The following SNTG1 variants were observed in gnomAD, a reference collection of about 807,000 sequenced individuals.
SNTG1 encodes syntrophin gamma 1, also known as gamma-1-syntrophin.
In SNTG1, 39 loss-of-function variants were observed where a neutral mutation model predicts 74.7. The observed-to-expected ratio is 0.52, with a 90% CI of 0.40 to 0.68. The LOEUF is 0.68. Among genes scored for constraint, SNTG1 ranks in the 30% least tolerant of loss-of-function variants. The pLI, the probability that SNTG1 is intolerant of heterozygous loss-of-function variation, is 0.00. For missense variants in SNTG1, 685 were observed against 609.5 expected (o/e 1.12, Z -1.30); for synonymous variants, 254 against 217.1 (o/e 1.17, Z -1.49).
At chr8:50,669,649 C>A (rs1187336360) in intron 15 of SNTG1, among the ~76,000 whole-genome samples, 3 of 152,138 alleles carry the variant, frequency 2.0e-5, no homozygotes, top group Admixed American at 1.3e-4. Flanking sequence ...TGAAACTATT[C>A]CAATCAATAG....
rs542869752 is a variant in SNTG1 at position 50,593,806 on chromosome 8, C to A, written c.849+2889C>A. 6.1e-4 allele frequency among the ~76,000 whole-genome samples: 93 copies of A among 151,936 alleles called. 2 individuals carry two copies. The South Asian group carries it at 0.019, about 31-fold the overall frequency. On this transcript the variant is annotated intron_variant, in intron 13 of 18. Transcript: ENST00000642720. ...AATCTTGGCTCACTGCAACCTCCGC[C>A]TCCCTGGTTCGAGCGATTCTCCTGC...
intron 1 of SNTG1, among the ~76,000 whole-genome samples, chr8:49,974,653 A>C (rs755217029): frequency 2.0e-5 from 3 of 152,170 alleles, no homozygotes; most frequent in African/African-American, 7.2e-5. Context: ...GGTTCCCTAC[A>C]TCAACTGTAA....
chr8:50,058,576 G>A lies in SNTG1; in HGVS notation c.-102-113985G>A, dbSNP rs563533388. On this transcript the variant is annotated intron_variant, in intron 1 of 18. Transcript: ENST00000642720. ...AATTAAAGTTTTAACTTTGAGGATT[G>A]ACATGCAGTTGTGAAGTTATATGCG... 1.3e-4 allele frequency among the ~76,000 whole-genome samples: 20 copies of A among 152,202 alleles called. No homozygotes were observed. In the South Asian group the frequency reaches 1.5e-3, roughly 11 times the overall value.
intron 1 of SNTG1, among the ~76,000 whole-genome samples, chr8:50,132,451 A>C (rs562540400): frequency 5.3e-5 from 8 of 152,284 alleles, no homozygotes; most frequent in African/African-American, 1.4e-4. Flanking sequence ...ATCTGCTTCC[A>C]AGTTACAATA....
At chr8:50,757,472 C>T (rs1353283810) in intron 18 of SNTG1, among the ~76,000 whole-genome samples, 2 of 151,782 alleles carry the variant, frequency 1.3e-5, no homozygotes, top group African/African-American at 4.8e-5. Context: ...GTCTGTGCCA[C>T]CTGGAATCAA....
chr8:50,563,694 T>C (rs1456867242), intron 12 of SNTG1, among the ~76,000 whole-genome samples: 1 of 152,134 alleles, frequency 6.6e-6, no homozygotes, highest in African/African-American at 2.4e-5. Flanking sequence ...ACATATCTAG[T>C]TGCAAATCAA....
At chr8:50,449,290 C>CCTTA (rs1490808605) in intron 5 of SNTG1, among the ~76,000 whole-genome samples, 1 of 152,132 alleles carries the variant, frequency 6.6e-6, no homozygotes, top group Non-Finnish European at 1.5e-5. Context: ...CACCAAAAGC[C>CCTTA]CTTAGCTGCC....
intron 1 of SNTG1, among the ~76,000 whole-genome samples, chr8:49,930,203 A>G (rs1427041701): frequency 6.6e-6 from 1 of 151,954 alleles, no homozygotes; most frequent in Non-Finnish European, 1.5e-5. Flanking sequence ...AATTTAAAAC[A>G]TAACAAGAGA....
chr8:49,929,460 G>A (rs181737260), intron 1 of SNTG1, among the ~76,000 whole-genome samples: 3 of 152,314 alleles, frequency 2.0e-5, no homozygotes, highest in South Asian at 2.1e-4. Flanking sequence ...GAATGTCATA[G>A]CAACGATGCA....
chr8:50,011,000 T>C (rs563280625), intron 1 of SNTG1, among the ~76,000 whole-genome samples: 1 of 152,070 alleles, frequency 6.6e-6, no homozygotes, highest in African/African-American at 2.4e-5. Flanking sequence ...TGACTTACTG[T>C]GAATGAATAA....
chr8:50,185,817 TTTTTA>T (rs1248510537), intron 2 of SNTG1, among the ~76,000 whole-genome samples: 30 of 152,068 alleles, frequency 2.0e-4, no homozygotes, highest in Admixed American at 1.9e-3. Flanking sequence ...ACACTATTGT[TTTTTA>T]TTTTATTTAT....
At chr8:50,576,603 T>C (rs544901786) in intron 12 of SNTG1, among the ~76,000 whole-genome samples, 1 of 152,248 alleles carries the variant, frequency 6.6e-6, no homozygotes, top group African/African-American at 2.4e-5. Context: ...GAAGATGGAA[T>C]TTTTTCCATT....
At chr8:50,661,106 C>T (rs1189504244) in intron 15 of SNTG1, among the ~76,000 whole-genome samples, 1 of 152,024 alleles carries the variant, frequency 6.6e-6, no homozygotes, top group Non-Finnish European at 1.5e-5. Context: ...TTGCTATATA[C>T]CAGGTAACCT....
intron 15 of SNTG1, among the ~76,000 whole-genome samples, chr8:50,664,938 A>G (rs750812501): frequency 1.3e-5 from 2 of 152,142 alleles, no homozygotes; most frequent in Non-Finnish European, 2.9e-5. Flanking sequence ...AAACTAGAGG[A>G]TCATTTTGTT....
intron 1 of SNTG1, among the ~76,000 whole-genome samples, chr8:50,103,546 C>T (rs541004470): frequency 6.6e-6 from 1 of 152,152 alleles, no homozygotes; most frequent in Non-Finnish European, 1.5e-5. Context: ...ATCGAATACC[C>T]TTTATTTCCT....
chr8:50,613,086 T>TA (rs1290546726), intron 13 of SNTG1, among the ~76,000 whole-genome samples: 2 of 152,180 alleles, frequency 1.3e-5, no homozygotes. Context: ...GAGCATCTGT[T>TA]AAAATCCAAG....
At chr8:50,672,206 A>T (rs546436153) in intron 15 of SNTG1, among the ~76,000 whole-genome samples, 1 of 149,282 alleles carries the variant, frequency 6.7e-6, no homozygotes, top group African/African-American at 2.4e-5. Flanking sequence ...ATAATAAAAA[A>T]AAATGTCTGG....
chr8:50,322,606 C>A (rs2130821753), intron 2 of SNTG1, among the ~76,000 whole-genome samples: 1 of 152,108 alleles, frequency 6.6e-6, no homozygotes, highest in East Asian at 1.9e-4. Flanking sequence ...GCTCTTATTC[C>A]TTTGAATAAT....
intron 9 of SNTG1, among the ~76,000 whole-genome samples, chr8:50,521,948 T>G (rs2094183065): frequency 6.6e-6 from 1 of 152,108 alleles, no homozygotes; most frequent in African/African-American, 2.4e-5. Flanking sequence ...GGCATCAACT[T>G]CTTCCAAATG....
Sources: gnomAD v4.1 joint callset for allele counts (sites outside exome capture counted in the v4.1 genomes callset) on GRCh38, gnomAD v4.1.1 for gene constraint, MANE v1.5 for transcripts, NCBI Gene and HGNC (gene_info 2026-07-23, HGNC 2026-07-21) for gene names.